TCERG1L: variants seen among roughly 807,000 people sequenced by gnomAD.
TCERG1L encodes transcription elongation regulator 1 like.
In TCERG1L, 37 loss-of-function variants were observed where a neutral mutation model predicts 56.3. The ratio of observed to expected loss-of-function variants is 0.66; its 90% CI spans 0.51 to 0.87. TCERG1L has a LOEUF of 0.87. TCERG1L is among the 40% of genes least tolerant of loss of function. TCERG1L has a pLI of 0.00. For synonymous variants in TCERG1L, 324 were observed against 326.3 expected, an observed-to-expected ratio of 0.99 and a Z score of 0.08; for missense variants, 799 against 774.2, an observed-to-expected ratio of 1.03 and a Z score of -0.38.
At chr10:131,102,345 G>A (rs1223378209) in intron 10 of TCERG1L, among the ~76,000 whole-genome samples, 1 of 152,178 alleles carries the variant, frequency 6.6e-6, no homozygotes, top group Non-Finnish European at 1.5e-5. Flanking sequence ...CCAATGAGCA[G>A]AGTGGTGGGT....
intron 6 of TCERG1L, among the ~76,000 whole-genome samples, chr10:131,151,360 A>G (rs1345009801): frequency 2.0e-5 from 3 of 151,698 alleles, no homozygotes; most frequent in African/African-American, 4.8e-5. Context: ...CTCCCATACT[A>G]AATGGGAGAA....
At chr10:131,277,191 A>T (rs1361811263) in intron 3 of TCERG1L, among the ~76,000 whole-genome samples, 1 of 152,134 alleles carries the variant, frequency 6.6e-6, no homozygotes, top group Non-Finnish European at 1.5e-5. Flanking sequence ...CCACACTCAG[A>T]ACTGTCTGCT....
chr10:131,266,700 T>G (rs1230087842), intron 3 of TCERG1L, among the ~76,000 whole-genome samples: 5 of 152,090 alleles, frequency 3.3e-5, no homozygotes, highest in Non-Finnish European at 5.9e-5. Context: ...TGTTCAGCTC[T>G]CAGCAGAGAG....
intron 7 of TCERG1L, among the ~76,000 whole-genome samples, chr10:131,141,213 G>A (rs1191253777): frequency 1.3e-5 from 2 of 152,148 alleles, no homozygotes; most frequent in Non-Finnish European, 2.9e-5. Context: ...CGGGTGCTGT[G>A]ATCTCTGCAG....
chr10:131,270,698 A>C (rs775250717), intron 3 of TCERG1L, among the ~76,000 whole-genome samples: 1 of 152,236 alleles, frequency 6.6e-6, no homozygotes, highest in Non-Finnish European at 1.5e-5. Context: ...AACTTGCAAA[A>C]GAGTTTTGGT....
intron 9 of TCERG1L, among the ~76,000 whole-genome samples, chr10:131,109,055 GA>G (rs1845383953): frequency 2.6e-5 from 4 of 151,640 alleles, no homozygotes; most frequent in Non-Finnish European, 5.9e-5. Flanking sequence ...CACCCAGGAT[GA>G]GCACAGTGTT....
intron 3 of TCERG1L, among the ~76,000 whole-genome samples, chr10:131,276,208 C>T (rs1846391588): frequency 6.6e-6 from 1 of 152,136 alleles, no homozygotes; most frequent in Non-Finnish European, 1.5e-5. Flanking sequence ...GGGGGGAATC[C>T]AGCAACATCC....
chr10:131,157,804 C>T (rs1200219065), intron 6 of TCERG1L, among the ~76,000 whole-genome samples: 1 of 152,200 alleles, frequency 6.6e-6, no homozygotes, highest in Non-Finnish European at 1.5e-5. Context: ...TTTCCTTTAA[C>T]CTCCTTAAAA....
At chr10:131,178,702 C>G (rs954354957) in intron 4 of TCERG1L, among the ~76,000 whole-genome samples, 2 of 152,122 alleles carry the variant, frequency 1.3e-5, no homozygotes, top group Non-Finnish European at 2.9e-5. Flanking sequence ...TCAGGGCCAT[C>G]GCTCGCCCTG....
intron 4 of TCERG1L, among the ~76,000 whole-genome samples, chr10:131,251,068 T>C (rs2133532601): frequency 6.6e-6 from 1 of 151,692 alleles, no homozygotes; most frequent in East Asian, 1.9e-4. Flanking sequence ...TCTCAGGCCG[T>C]GGGTCCGTCT....
At chr10:131,209,225 C>T (rs1231726674) in intron 4 of TCERG1L, among the ~76,000 whole-genome samples, 2 of 152,164 alleles carry the variant, frequency 1.3e-5, no homozygotes, top group Non-Finnish European at 2.9e-5. Context: ...TAAGTATCAG[C>T]AAGTGTTCCC....
chr10:131,274,148 T>C (rs979979404), intron 3 of TCERG1L, among the ~76,000 whole-genome samples: 1 of 152,172 alleles, frequency 6.6e-6, no homozygotes, highest in South Asian at 2.1e-4. Flanking sequence ...CTCATGGTCA[T>C]TGATCCCATA....
At chr10:131,096,717 GGTGAAACCCC>G (rs1158791606) in intron 11 of TCERG1L, among the ~76,000 whole-genome samples, 1 of 152,082 alleles carries the variant, frequency 6.6e-6, no homozygotes, top group Non-Finnish European at 1.5e-5. Context: ...TGGCTAACAT[GGTGAAACCCC>G]GTCTCTACTT....
intron 4 of TCERG1L, among the ~76,000 whole-genome samples, chr10:131,223,622 A>ACATGCTCACACACACT (rs1013471022): frequency 1.3e-5 from 2 of 152,172 alleles, no homozygotes; most frequent in South Asian, 2.1e-4. Context: ...ACACACACTG[A>ACATGCTCACACACACT]CATGCTCACA....
intron 3 of TCERG1L, among the ~76,000 whole-genome samples, chr10:131,302,028 G>A: frequency 6.6e-6 from 1 of 152,082 alleles, no homozygotes; most frequent in East Asian, 1.9e-4. Flanking sequence ...AGAATTTGAG[G>A]TGAAAACATT....
chr10:131,290,593 T>C (rs1481450527), intron 3 of TCERG1L, among the ~76,000 whole-genome samples: 1 of 144,816 alleles, frequency 6.9e-6, no homozygotes, highest in Non-Finnish European at 1.5e-5. Context: ...ATCGCGCCAT[T>C]GCACTCCAGC....
intron 4 of TCERG1L, among the ~76,000 whole-genome samples, chr10:131,219,538 C>G (rs1346218160): frequency 6.6e-6 from 1 of 152,186 alleles, no homozygotes; most frequent in Non-Finnish European, 1.5e-5. Flanking sequence ...GAGTGACCGT[C>G]CACAAAGGCC....
chr10:131,200,706 G>A (rs1055461997), intron 4 of TCERG1L, among the ~76,000 whole-genome samples: 1 of 152,158 alleles, frequency 6.6e-6, no homozygotes, highest in Non-Finnish European at 1.5e-5. Flanking sequence ...TAAAACGTTT[G>A]GAATTACTGA....
At chr10:131,120,910 T>A (rs1214522012) in intron 8 of TCERG1L, among the ~76,000 whole-genome samples, 1 of 152,158 alleles carries the variant, frequency 6.6e-6, no homozygotes, top group Non-Finnish European at 1.5e-5. Flanking sequence ...GGGCTGTAGC[T>A]GGAACAAGGA....
Sources: allele counts gnomAD v4.1 joint callset (sites outside exome capture counted in the v4.1 genomes callset), GRCh38; gene constraint gnomAD v4.1.1; transcripts MANE v1.5; gene names NCBI Gene and HGNC (gene_info 2026-07-23, HGNC 2026-07-21).